The following TMEM255A variants were observed in gnomAD, a reference collection of about 807,000 sequenced individuals.
TMEM255A encodes transmembrane protein 255A.
A neutral mutation model predicts 23.5 loss-of-function variants in TMEM255A; 14 were observed. The ratio of observed to expected loss-of-function variants is 0.60; its 90% confidence interval spans 0.39 to 0.93. The LOEUF is 0.93. Among genes scored for constraint, TMEM255A ranks in the 40% least tolerant of loss-of-function variants. The pLI, the probability that TMEM255A is intolerant of heterozygous loss-of-function variation, is 0.00. For synonymous variants in TMEM255A, 104 were observed against 100.3 expected, an observed-to-expected ratio of 1.04 and a Z score of -0.22; for missense variants, 233 against 261.7, an observed-to-expected ratio of 0.89 and a Z score of 0.76.
intron 2 of TMEM255A, among the ~76,000 whole-genome samples, chrX:120,294,495 C>G (rs980201900): frequency 1.8e-5 from 2 of 110,403 alleles, no homozygotes; most frequent in African/African-American, 3.3e-5. Context: ...TACACAAATA[C>G]AGCATGTACA....
chrX:120,251,869 A>T, the TMEM255A span, among the ~76,000 whole-genome samples: 1 of 112,234 alleles, frequency 8.9e-6, no homozygotes, highest in Non-Finnish European at 1.9e-5. Flanking sequence ...CGTACATTTG[A>T]CGCATTCCCA....
chrX:120,298,490 T>C (rs1235891668), intron 2 of TMEM255A, among the ~76,000 whole-genome samples: 2 of 112,029 alleles, frequency 1.8e-5, no homozygotes, highest in African/African-American at 6.5e-5. Context: ...TGTGAGGTTA[T>C]ATTATCATCT....
chrX:120,255,517 A>G, downstream of TMEM255A: 2 of 801,613 alleles, frequency 2.5e-6, no homozygotes. Flanking sequence ...TAAGGTGCGA[A>G]CAAGTTAATT....
chrX:120,265,077 G>A (rs1418290978), intron 8 of TMEM255A, among the ~76,000 whole-genome samples: 7 of 110,372 alleles, frequency 6.3e-5, no homozygotes, highest in Non-Finnish European at 1.1e-4. Context: ...GGGTTTCTCC[G>A]TGTTGGTCAG....
At chrX:120,271,211 A>G (rs1569333294) in intron 7 of TMEM255A, among the ~76,000 whole-genome samples, 1 of 112,276 alleles carries the variant, frequency 8.9e-6, no homozygotes, top group African/African-American at 3.2e-5. Flanking sequence ...AGGAGGTAAT[A>G]TATGTTAAAA....
At chrX:120,296,856 A>T (rs1367956301) in intron 2 of TMEM255A, among the ~76,000 whole-genome samples, 1 of 3,253 alleles carries the variant, frequency 3.1e-4, no homozygotes, top group East Asian at 0.05. Context: ...ATCATATATA[A>T]TATATAATAT....
At chrX:120,272,116 C>T (rs1363578433) in intron 7 of TMEM255A, among the ~76,000 whole-genome samples, 4 of 111,905 alleles carry the variant, frequency 3.6e-5, no homozygotes, top group African/African-American at 1.3e-4. Context: ...GGGTGCCCAG[C>T]TCTGAAGCTC....
intron 4 of TMEM255A, among the ~76,000 whole-genome samples, chrX:120,288,560 A>G (rs2057892894): frequency 8.9e-6 from 1 of 112,266 alleles, no homozygotes; most frequent in Admixed American, 9.4e-5. Context: ...CCCTACATGA[A>G]GACAGACGTG....
At chrX:120,284,518 G>A (rs973917614) in intron 6 of TMEM255A, among the ~76,000 whole-genome samples, 18 of 106,740 alleles carry the variant, frequency 1.7e-4, no homozygotes, top group East Asian at 6.0e-4. Context: ...TACAGTGTGC[G>A]TGCATGTGCA....
intron 5 of TMEM255A, chrX:120,285,693 T>C (rs1171158966): frequency 8.3e-7 from 1 of 1,208,958 alleles, no homozygotes; most frequent in Non-Finnish European, 1.1e-6. Context: ...GAGGAACTTA[T>C]GACCTTATGT....
chrX:120,257,874 C>G (rs1556015772), downstream of TMEM255A: 1 of 122,738 alleles, frequency 8.1e-6, no homozygotes, highest in Non-Finnish European at 1.9e-5. Flanking sequence ...ACTTCCTTTT[C>G]TTGTTTGAAG....
Position 120,258,984 on chromosome X carries a change from C to A in TMEM255A, c.*1886G>T, listed in dbSNP as rs1218315588. ...AAAAAGCTGCTCAAATTAAGTGTTACAAAATCTATACTGTTTCAGGTTATT... is the reference window on the plus strand; with the variant it reads ...AAAAAGCTGCTCAAATTAAGTGTTAAAAAATCTATACTGTTTCAGGTTATT... On this transcript the variant is annotated 3_prime_UTR_variant, in exon 9 of 9. Transcript: ENST00000371369. The A allele has an allele frequency of 8.9e-6, 1 of 112,466 alleles. No homozygotes were observed. The highest frequency in any genetic ancestry group is 1.9e-5 in the Non-Finnish European group (1 of 53,218). The allele number at this position is 112,466 out of a possible 1,213,427, so 9.3% of individuals were successfully genotyped here. A position where few individuals can be genotyped will look rare whatever the true frequency, so the allele number is the denominator to read the frequency against.
chrX:120,293,210 C>T (rs782588096), intron 3 of TMEM255A, among the ~76,000 whole-genome samples: 45 of 112,694 alleles, frequency 4.0e-4, no homozygotes, highest in Non-Finnish European at 6.8e-4. Flanking sequence ...GGAGCCCAAT[C>T]ACCATCTGAC....
intron 7 of TMEM255A, among the ~76,000 whole-genome samples, chrX:120,269,796 A>G (rs782557347): frequency 6.4e-4 from 72 of 112,088 alleles, no homozygotes; most frequent in Middle Eastern, 9.2e-3. Context: ...AATTCTTTAA[A>G]GAAATTCTGT....
At chrX:120,284,102 G>A (rs1199621917) in intron 6 of TMEM255A, among the ~76,000 whole-genome samples, 7 of 110,670 alleles carry the variant, frequency 6.3e-5, no homozygotes, top group Non-Finnish European at 1.3e-4. Context: ...TTTCCCTCCC[G>A]GCAAACTCTG....
chrX:120,271,086 G>A (rs1349800455), intron 7 of TMEM255A, among the ~76,000 whole-genome samples: 2 of 111,129 alleles, frequency 1.8e-5, no homozygotes, highest in African/African-American at 3.3e-5. Context: ...GAGTTCCCGG[G>A]ATTCACATTT....
intron 2 of TMEM255A, among the ~76,000 whole-genome samples, chrX:120,297,891 A>C (rs782789558): frequency 3.6e-5 from 4 of 111,088 alleles, no homozygotes; most frequent in Non-Finnish European, 7.5e-5. Flanking sequence ...GGTTGAAAAT[A>C]AAGAAGGGAA....
intron 7 of TMEM255A, among the ~76,000 whole-genome samples, chrX:120,274,157 G>A (rs1556019310): frequency 8.9e-6 from 1 of 112,181 alleles, no homozygotes; most frequent in Admixed American, 9.4e-5. Flanking sequence ...AAAGGAGCCA[G>A]ACCCAGAAGT....
At chrX:120,258,622 C>G (rs1225706201), downstream of TMEM255A, 1 of 112,085 alleles carries the variant, frequency 8.9e-6, no homozygotes, top group East Asian at 2.8e-4. Context: ...GTTTGCTGTA[C>G]TTTTATAGCT....
Sources: gnomAD v4.1 joint callset for allele counts (sites outside exome capture counted in the v4.1 genomes callset) on GRCh38, gnomAD v4.1.1 for gene constraint, MANE v1.5 for transcripts, NCBI Gene and HGNC (gene_info 2026-07-23, HGNC 2026-07-21) for gene names.